Variants in NALF1 observed in about 807,000 individuals in gnomAD.
NALF1 encodes family with sequence similarity 155 member A.
Under a neutral mutation model 48.4 loss-of-function variants are expected in NALF1, and 3 were observed. That is an observed-to-expected ratio of 0.06 (90% CI 0.03 to 0.16). The LOEUF is 0.16. NALF1 is among the 10% of genes least tolerant of loss of function. The probability of loss-of-function intolerance (pLI) is 1.00; values close to 1 mark genes in which losing one functional copy is unlikely to be tolerated. For missense variants in NALF1, 526 were observed against 571.5 expected, an observed-to-expected ratio of 0.92 and a Z score of 0.81; for synonymous variants, 262 against 245.7, an observed-to-expected ratio of 1.07 and a Z score of -0.62.
intron 1 of NALF1, among the ~76,000 whole-genome samples, chr13:107,667,801 A>G (rs781359854): frequency 1.3e-5 from 2 of 152,168 alleles, no homozygotes; most frequent in Non-Finnish European, 2.9e-5. Context: ...ATAGTTTCAC[A>G]GCAAAAGAGG....
At chr13:107,642,564 T>C (rs1437368577) in intron 1 of NALF1, among the ~76,000 whole-genome samples, 2 of 152,250 alleles carry the variant, frequency 1.3e-5, no homozygotes, top group African/African-American at 4.8e-5. Context: ...TGTCAACATA[T>C]AGCTCCTGAA....
chr13:107,198,320 T>C (rs929787513), intron 2 of NALF1, among the ~76,000 whole-genome samples: 5 of 152,190 alleles, frequency 3.3e-5, no homozygotes, highest in Non-Finnish European at 7.3e-5. Flanking sequence ...GCATTGCAAA[T>C]TGATTGTGCT....
chr13:107,202,709 A>G (rs1043543777), intron 2 of NALF1, among the ~76,000 whole-genome samples: 6 of 152,198 alleles, frequency 3.9e-5, no homozygotes, highest in Non-Finnish European at 7.3e-5. Context: ...AAATCAGGAC[A>G]TGTTTGTTGA....
chr13:107,760,839 T>A (rs574307454), intron 1 of NALF1, among the ~76,000 whole-genome samples: 1 of 152,314 alleles, frequency 6.6e-6, no homozygotes, highest in Non-Finnish European at 1.5e-5. Flanking sequence ...TTATAACATG[T>A]CTTTGACCTA....
At chr13:107,630,698 A>T (rs1278538117) in intron 1 of NALF1, among the ~76,000 whole-genome samples, 1 of 152,126 alleles carries the variant, frequency 6.6e-6, no homozygotes, top group Non-Finnish European at 1.5e-5. Context: ...TGGCATAAAA[A>T]GGCAGCCGTT....
intron 1 of NALF1, among the ~76,000 whole-genome samples, chr13:107,404,430 A>G (rs918662056): frequency 6.6e-6 from 1 of 152,116 alleles, no homozygotes; most frequent in African/African-American, 2.4e-5. Flanking sequence ...ATATATCTTA[A>G]CAATTATAGT....
intron 1 of NALF1, among the ~76,000 whole-genome samples, chr13:107,253,777 C>T (rs139459718): frequency 3.5e-4 from 54 of 152,156 alleles, no homozygotes; most frequent in African/African-American, 1.2e-3. Flanking sequence ...GCATGCCACC[C>T]TTCACCTCAT....
chr13:107,254,580 G>A (rs1456545127), intron 1 of NALF1, among the ~76,000 whole-genome samples: 1 of 152,164 alleles, frequency 6.6e-6, no homozygotes, highest in East Asian at 1.9e-4. Flanking sequence ...GATGCTTGTA[G>A]AGAAGTGTCC....
At chr13:107,786,852 A>T (rs931493393) in intron 1 of NALF1, among the ~76,000 whole-genome samples, 5 of 152,166 alleles carry the variant, frequency 3.3e-5, no homozygotes, top group Admixed American at 6.5e-5. Context: ...TATGAAACTC[A>T]CTGAAATCTA....
chr13:107,287,744 C>T (rs1179886099), intron 1 of NALF1, among the ~76,000 whole-genome samples: 17 of 99,182 alleles, frequency 1.7e-4, no homozygotes, highest in Admixed American at 1.5e-3. Flanking sequence ...CTTGTTTTGT[C>T]GCCCAGGCTG....
At chr13:107,586,474 CTGTTA>C (rs907109335) in intron 1 of NALF1, among the ~76,000 whole-genome samples, 2 of 151,850 alleles carry the variant, frequency 1.3e-5, no homozygotes, top group Non-Finnish European at 2.9e-5. Flanking sequence ...GAATACCATT[CTGTTA>C]TGAGTCCATT....
At chr13:107,426,874 T>G (rs1387015586) in intron 1 of NALF1, among the ~76,000 whole-genome samples, 1 of 152,096 alleles carries the variant, frequency 6.6e-6, no homozygotes, top group Non-Finnish European at 1.5e-5. Flanking sequence ...TAAAATAATT[T>G]AAATTTCAGG....
chr13:107,290,231 A>G (rs11843782), intron 1 of NALF1, among the ~76,000 whole-genome samples: 32,393 of 151,104 alleles, frequency 0.21, 4,544 homozygotes, highest in African/African-American at 0.4. Context: ...ATTATGTTCA[A>G]TGAGTTGGAT....
At chr13:107,236,989 T>C (rs1380549905) in intron 1 of NALF1, among the ~76,000 whole-genome samples, 1 of 152,110 alleles carries the variant, frequency 6.6e-6, no homozygotes, top group Non-Finnish European at 1.5e-5. Context: ...ATGGAAATAT[T>C]ACACCATTTT....
intron 1 of NALF1, among the ~76,000 whole-genome samples, chr13:107,226,661 C>T (rs774592410): frequency 5.9e-5 from 9 of 152,162 alleles, no homozygotes; most frequent in Non-Finnish European, 1.2e-4. Flanking sequence ...GAATTTGAAA[C>T]GGTGATTTCA....
intron 1 of NALF1, among the ~76,000 whole-genome samples, chr13:107,464,678 G>A (rs1054869510): frequency 1.3e-5 from 2 of 151,884 alleles, no homozygotes; most frequent in Non-Finnish European, 2.9e-5. Context: ...GAACAGCTAC[G>A]CCTGGCAAAT....
At chr13:107,450,054 A>G (rs568074875) in intron 1 of NALF1, among the ~76,000 whole-genome samples, 9 of 152,304 alleles carry the variant, frequency 5.9e-5, no homozygotes, top group Admixed American at 1.3e-4. Flanking sequence ...CCAAGAGATT[A>G]AATAATGACA....
intron 1 of NALF1, among the ~76,000 whole-genome samples, chr13:107,659,114 GACACACACACACACAC>G (rs71121541): frequency 1.4e-5 from 2 of 145,804 alleles, no homozygotes; most frequent in Non-Finnish European, 3.0e-5. Context: ...CTGACACACA[GACACACACACACACAC>G]ACACACACAC....
chr13:107,721,826 CG>C (rs1351217454), intron 1 of NALF1, among the ~76,000 whole-genome samples: 2 of 152,168 alleles, frequency 1.3e-5, no homozygotes, highest in Non-Finnish European at 2.9e-5. Context: ...AACTGCAGCG[CG>C]GTGAGGAGAT....
Sources: allele counts gnomAD v4.1 joint callset (sites outside exome capture counted in the v4.1 genomes callset), GRCh38; gene constraint gnomAD v4.1.1; transcripts MANE v1.5; gene names NCBI Gene and HGNC (gene_info 2026-07-23, HGNC 2026-07-21).